Variants in IGF2BP1 observed in about 807,000 individuals in gnomAD.
IGF2BP1 encodes the protein insulin like growth factor 2 mRNA binding protein 1, also known as insulin-like growth factor 2 mRNA-binding protein 1.
IGF2BP1 carries 11 observed loss-of-function variants against 74.9 expected under a neutral mutation model. That is an observed-to-expected ratio of 0.15 (90% CI 0.09 to 0.24). The LOEUF (loss-of-function observed/expected upper bound fraction) is 0.24, where lower values mean the gene tolerates loss of function less well. Ranked by LOEUF, IGF2BP1 falls within the 10% of genes least tolerant of loss-of-function variation. The pLI, the probability that IGF2BP1 is intolerant of heterozygous loss-of-function variation, is 1.00. For synonymous variants in IGF2BP1, 287 were observed against 281.8 expected (o/e 1.02, Z -0.18); for missense variants, 440 against 757.4 (o/e 0.58, Z 4.92).
rs117783682 is a variant in IGF2BP1 at position 49,023,692 on chromosome 17, T to G, written c.237-1926T>G. On this transcript the variant is annotated intron_variant, in intron 2 of 14. Coordinates refer to ENST00000290341, the MANE Select transcript of IGF2BP1 (RefSeq NM_006546.4). ...TCAGGGGCAGGTTAAGGGCTAGACT[T>G]TCTTGCTTTCTAGTTCAGTTTTCCT... 6.9e-3 allele frequency among the ~76,000 whole-genome samples: 1,057 copies of G among 152,328 alleles called. 8 individuals carry two copies. Among genetic ancestry groups the G allele is most frequent in the Non-Finnish European group, 0.011 (754 of 68,032 alleles).
intron 4 of IGF2BP1, among the ~76,000 whole-genome samples, chr17:49,028,164 AAAAAC>A (rs2041880700): frequency 6.6e-6 from 1 of 152,212 alleles, no homozygotes; most frequent in Admixed American, 6.5e-5. Flanking sequence ...GTATTGTCTC[AAAAAC>A]AAAACAAAAT....
At chr17:49,031,804 G>A in intron 4 of IGF2BP1, 106 bp from the exon 5 acceptor site, 2 of 1,020,510 alleles carry the variant, frequency 2.0e-6, no homozygotes, top group Non-Finnish European at 3.1e-6. Context: ...TGTCTGGCCT[G>A]CCAGATGTCT....
chr17:49,009,060 C>G (rs992922637), intron 2 of IGF2BP1, among the ~76,000 whole-genome samples: 3 of 152,020 alleles, frequency 2.0e-5, no homozygotes, highest in Non-Finnish European at 4.4e-5. Context: ...GGGAGTCTTG[C>G]TCTGTTGCCC....
chr17:49,045,024 C>T lies in IGF2BP1; in HGVS notation c.1354C>T (p.Arg452Cys), dbSNP rs867424326. ...ACCCGAAACACCTGACTCCAAAGTT[C>T]GTATGGTTATCATCACTGGACCGCC... ...APPETPDSKV[R>C]MVIITGPPEA... The change falls in exon 12 of 15, where the codon CGT becomes TGT. Residue 452 changes from arginine to cysteine, a missense_variant. This residue lies in a region of IGF2BP1 where 117 missense variants were observed against 237.2 expected (regional missense o/e 0.49). Coordinates refer to ENST00000290341, the MANE Select transcript of IGF2BP1 (RefSeq NM_006546.4). 3.7e-6 allele frequency: 6 copies of T among 1,613,970 alleles called. No individual in the cohort carries two copies. Among genetic ancestry groups the T allele is most frequent in the African/African-American group, 1.3e-5 (1 of 74,908 alleles).
chr17:49,025,248 C>CCTGGAACATAGTCATGGTAACCTGCTTA (rs1567818147), intron 2 of IGF2BP1, among the ~76,000 whole-genome samples: 1 of 150,758 alleles, frequency 6.6e-6, no homozygotes, highest in African/African-American at 2.4e-5. Flanking sequence ...ATTCCTAGTG[C>CCTGGAACATAGTCATGGTAACCTGCTTA]CTGGAACATA....
Position 49,026,572 on chromosome 17 carries a change from G to A in IGF2BP1, c.337+55G>A, listed in dbSNP as rs2041856563. ...TCGTGGTGGGGGTTGGAGGAGTTTGGTGCATTTGTTCTGCTTCACTTTGTT... is the reference window on the plus strand; with the variant it reads ...TCGTGGTGGGGGTTGGAGGAGTTTGATGCATTTGTTCTGCTTCACTTTGTT... On this transcript the variant is annotated intron_variant, in intron 4 of 14. Coordinates refer to ENST00000290341, the MANE Select transcript of IGF2BP1 (RefSeq NM_006546.4). The A allele has an allele frequency of 4.1e-6, 6 of 1,452,814 alleles. No homozygotes were observed. The South Asian group carries it at 5.7e-5, about 14-fold the overall frequency. 90.0% of individuals were successfully genotyped at this position (1,452,814 alleles called of 1,614,324 possible). A position where few individuals can be genotyped will look rare whatever the true frequency, so the allele number is the denominator to read the frequency against.
chr17:49,032,006 T>TGGGGGGGGGGGGGGGGG, intron 5 of IGF2BP1, 33 bp downstream of exon 5: 4 of 899,368 alleles, frequency 4.4e-6, no homozygotes, highest in Non-Finnish European at 7.0e-6. Flanking sequence ...CTGGGTGCGG[T>TGGGGGGGGGGGGGGGGG]GGGGGGGGGT....
At chr17:49,047,325 C>CTA (rs968836801) in intron 14 of IGF2BP1, among the ~76,000 whole-genome samples, 49 of 150,374 alleles carry the variant, frequency 3.3e-4, no homozygotes, top group East Asian at 1.4e-3. Context: ...TACATCTCAA[C>CTA]TATATATATA....
Position 48,997,946 on chromosome 17 carries a change from A to G in IGF2BP1, c.175+26A>G, listed in dbSNP as rs759524053. ...GTAAGAACACAGCCACCTCCCGGAA[A>G]AGCCACAACGAGAGCCCCGAACAAC... On this transcript the variant is annotated intron_variant, in intron 1 of 14. Transcript: ENST00000290341. This position sits in a 1 kb window ranked among gnomAD's most constrained non-coding sequence, Gnocchi z 4.8. 1.9e-5 allele frequency: 30 copies of G among 1,608,356 alleles called. No individual in the cohort carries two copies. The highest frequency in any genetic ancestry group is 2.5e-5 in the Non-Finnish European group (29 of 1,177,100).
intron 7 of IGF2BP1, among the ~76,000 whole-genome samples, chr17:49,040,601 G>A (rs188213398): frequency 3.1e-4 from 47 of 152,322 alleles, no homozygotes; most frequent in Admixed American, 9.8e-4. Flanking sequence ...CTGCATGTAC[G>A]GATATGTGTG....
intron 5 of IGF2BP1, among the ~76,000 whole-genome samples, chr17:49,035,352 T>A (rs2041973624): frequency 6.6e-6 from 1 of 152,242 alleles, no homozygotes; most frequent in African/African-American, 2.4e-5. Context: ...AGGGCACAAG[T>A]ATCAGTTTTC....
intron 5 of IGF2BP1, among the ~76,000 whole-genome samples, chr17:49,034,762 A>AC (rs2041967500): frequency 1.4e-5 from 2 of 141,268 alleles, no homozygotes; most frequent in Non-Finnish European, 3.1e-5. Flanking sequence ...AAAACAAAAA[A>AC]AACAAAAAAA....
chr17:49,044,329 T>G (rs1487262208), intron 11 of IGF2BP1, among the ~76,000 whole-genome samples: 1 of 152,136 alleles, frequency 6.6e-6, no homozygotes, highest in African/African-American at 2.4e-5. Flanking sequence ...AAAGAGAACT[T>G]AGGTTCTAAC....
At chr17:49,025,533 CTG>C in intron 2 of IGF2BP1, 83 bp from the exon 3 acceptor site, 1 of 1,154,696 alleles carries the variant, frequency 8.7e-7, no homozygotes, top group Non-Finnish European at 1.3e-6. Context: ...GAAATAGAAA[CTG>C]GGGCAAGGAT....
chr17:49,025,422 A>G (rs923247521), intron 2 of IGF2BP1, among the ~76,000 whole-genome samples, 196 bp from the exon 3 acceptor site: 1 of 151,432 alleles, frequency 6.6e-6, no homozygotes, highest in African/African-American at 2.4e-5. Context: ...AGCATCCATG[A>G]TAATTTTGGT....
chr17:49,039,174 C>A (rs1324052064), intron 6 of IGF2BP1, among the ~76,000 whole-genome samples: 2 of 152,084 alleles, frequency 1.3e-5, no homozygotes, highest in East Asian at 1.9e-4. Flanking sequence ...CCACACCCGG[C>A]CTTTTCTCTA....
rs1341673709 is a variant in IGF2BP1, at chr17:49,034,744, ACAC to A, written c.401+2772_401+2774del. Among the ~76,000 whole-genome samples the A allele has an allele frequency of 2.7e-3, 347 of 129,568 alleles. 2 individuals are homozygous for A. Among genetic ancestry groups the A allele is most frequent in the African/African-American group, 0.011 (313 of 29,244 alleles). The allele number at this position is 129,568 out of a possible 152,430, so 85.0% of individuals were successfully genotyped here. A position where few individuals can be genotyped will look rare whatever the true frequency, so the allele number is the denominator to read the frequency against. ...AGAGTAAGACCCTGTCTCAAAAAAA[ACAC>A]AAAAAAAACAAAAAAAACAAAAAAA... On this transcript the variant is annotated intron_variant, in intron 5 of 14. Coordinates refer to ENST00000290341, the MANE Select transcript of IGF2BP1 (RefSeq NM_006546.4).
intron 1 of IGF2BP1, 115 bp from the exon 2 acceptor site, chr17:48,998,993 AG>A (rs1255467885): frequency 3.0e-6 from 2 of 672,812 alleles, no homozygotes; most frequent in East Asian, 5.5e-5. Flanking sequence ...CTGGATTCCT[AG>A]GAAGATCTCG....
intron 2 of IGF2BP1, among the ~76,000 whole-genome samples, chr17:49,008,172 CAA>C (rs78718299): frequency 1.8e-4 from 16 of 90,124 alleles, no homozygotes; most frequent in Non-Finnish European, 1.4e-4. Context: ...AATTCCATCT[CAA>C]AAAAAAAAAA....
Sources: allele counts gnomAD v4.1 joint callset (sites outside exome capture counted in the v4.1 genomes callset), GRCh38; gene constraint gnomAD v4.1.1; regional missense constraint gnomAD v4.1.1; non-coding constraint Gnocchi (gnomAD v3.1); transcripts MANE v1.5; gene names NCBI Gene and HGNC (gene_info 2026-07-23, HGNC 2026-07-21).